The following EGF variants were observed in gnomAD, a reference collection of about 807,000 sequenced individuals.
The protein encoded by EGF is pro-epidermal growth factor.
A neutral mutation model predicts 143.8 loss-of-function variants in EGF; 95 were observed. The observed-to-expected ratio is 0.66, with a 90% CI of 0.56 to 0.78. EGF has a LOEUF of 0.78. Among genes scored for constraint, EGF ranks in the 30% least tolerant of loss-of-function variants. EGF has a pLI of 0.00. For synonymous variants in EGF, 510 were observed against 510.5 expected, an observed-to-expected ratio of 1.00 and a Z score of 0.01; for missense variants, 1,320 against 1,470.9, an observed-to-expected ratio of 0.90 and a Z score of 1.68.
intron 11 of EGF, among the ~76,000 whole-genome samples, chr4:109,970,824 CAAAA>C (rs371512157): frequency 1.6e-4 from 12 of 72,968 alleles, no homozygotes; most frequent in Admixed American, 5.0e-4. Context: ...GACTCCGTCT[CAAAA>C]AAAAAAAAAA....
At chr4:109,988,747 A>C in intron 18 of EGF, 38 bp downstream of exon 18, 1 of 1,612,538 alleles carries the variant, frequency 6.2e-7, no homozygotes, top group Non-Finnish European at 8.5e-7. Flanking sequence ...GGGCAGAGGC[A>C]GGCCTCAGAA....
chr4:109,988,908 C>T (rs1750548895), intron 18 of EGF, among the ~76,000 whole-genome samples, 199 bp downstream of exon 18: 1 of 152,234 alleles, frequency 6.6e-6, no homozygotes, highest in Admixed American at 6.5e-5. Context: ...TGTGTTATTA[C>T]TGCCCTAGTC....
At chr4:109,967,294 A>C in intron 10 of EGF, among the ~76,000 whole-genome samples, 1 of 152,160 alleles carries the variant, frequency 6.6e-6, no homozygotes, top group East Asian at 1.9e-4. Flanking sequence ...TTATTGAATA[A>C]GATATCCTTT....
Position 110,004,642 on chromosome 4 carries a change from T to C in EGF, c.3291+20T>C, listed in dbSNP as rs1348253607. 2 of 1,608,940 alleles carry C rather than the reference T, an allele frequency of 1.2e-6. No homozygotes were observed. Among genetic ancestry groups the C allele is most frequent in the Admixed American group, 1.7e-5 (1 of 59,986 alleles). ...CCTTGGGTAATGTGACCAAAGCAGA[T>C]GAAGCAAGGAATTGGCTTGATATTA... On this transcript the variant is annotated intron_variant, in intron 22 of 23. Transcript: ENST00000265171.
At chr4:109,915,189 A>G (rs921425502) in intron 1 of EGF, among the ~76,000 whole-genome samples, 1 of 152,242 alleles carries the variant, frequency 6.6e-6, no homozygotes, top group African/African-American at 2.4e-5. Flanking sequence ...ACTGTGTCAC[A>G]GAGTGGAAGG....
intron 1 of EGF, among the ~76,000 whole-genome samples, chr4:109,926,372 C>T (rs1453709571): frequency 5.0e-5 from 7 of 139,626 alleles, no homozygotes; most frequent in African/African-American, 1.1e-4. Context: ...TTTTTTTTTC[C>T]GAGACGGAGT....
At chr4:109,934,323 C>A (rs1579503394) in intron 1 of EGF, among the ~76,000 whole-genome samples, 1 of 152,264 alleles carries the variant, frequency 6.6e-6, no homozygotes, top group East Asian at 1.9e-4. Flanking sequence ...ATGTCATCTG[C>A]AAACAGAGAC....
chr4:109,940,679 T>C (rs1333793600), intron 1 of EGF: 3 of 409,826 alleles, frequency 7.3e-6, no homozygotes, highest in Non-Finnish European at 1.3e-5. Flanking sequence ...GGATAAAGAG[T>C]AAAAAGTGTC....
At chr4:109,967,100 G>A (rs1272056052) in intron 10 of EGF, among the ~76,000 whole-genome samples, 1 of 152,124 alleles carries the variant, frequency 6.6e-6, no homozygotes, top group Non-Finnish European at 1.5e-5. Flanking sequence ...TGAGGGCTTA[G>A]TCATGATTTC....
At chr4:109,982,453 G>T (rs764339391) in intron 15 of EGF, among the ~76,000 whole-genome samples, 1 of 151,764 alleles carries the variant, frequency 6.6e-6, no homozygotes, top group African/African-American at 2.4e-5. Context: ...TCAGCCTCCC[G>T]AGTAGCTGGG....
intron 5 of EGF, among the ~76,000 whole-genome samples, chr4:109,950,084 T>C (rs138157255): frequency 3.1e-4 from 47 of 152,316 alleles, no homozygotes; most frequent in African/African-American, 9.9e-4. Context: ...GGTCCTGTAG[T>C]GGGCACATAA....
rs192425610 is a variant in EGF, at chr4:109,925,844, C to T, written c.127+12382C>T. On this transcript the variant is annotated intron_variant, in intron 1 of 23. Transcript: ENST00000265171. Reference sequence around the variant, plus strand: ...ACACCCACTGCATTTACTAGGACATCAACCAAAAAGCATTCTTGGTGAGAT... The same window carrying T: ...ACACCCACTGCATTTACTAGGACATTAACCAAAAAGCATTCTTGGTGAGAT... Among the ~76,000 whole-genome samples the T allele has an allele frequency of 5.8e-4, 89 of 152,252 alleles. 1 individual carries two copies. Among genetic ancestry groups the T allele is most frequent in the African/African-American group, 2.0e-3 (83 of 41,540 alleles).
chr4:109,982,041 G>A (rs1381113026), intron 15 of EGF, among the ~76,000 whole-genome samples: 1 of 151,200 alleles, frequency 6.6e-6, no homozygotes, highest in Non-Finnish European at 1.5e-5. Flanking sequence ...CAAATAGCTG[G>A]GACCCTACCT....
chr4:109,933,320 G>C (rs1308353449), intron 1 of EGF, among the ~76,000 whole-genome samples: 2 of 152,132 alleles, frequency 1.3e-5, no homozygotes, highest in Non-Finnish European at 2.9e-5. Context: ...AAAGATCTGG[G>C]AATAATAATT....
rs35632667 is a variant in EGF at position 109,984,246 on chromosome 4, CA to C, written c.2491+717del. On this transcript the variant is annotated intron_variant, in intron 16 of 23. Coordinates refer to ENST00000265171, the MANE Select transcript of EGF (RefSeq NM_001963.6). The stretch of plus-strand genomic sequence containing the variant: ...TAACACTTTAACAAGATGTATGTGG[CA>C]AAAAAAAAAAAGGAAAATATTTCAA... 9.5e-3 allele frequency among the ~76,000 whole-genome samples: 1,290 copies of C among 136,406 alleles called. 14 individuals carry two copies. Among genetic ancestry groups the C allele is most frequent in the African/African-American group, 0.025 (965 of 38,122 alleles). The allele number at this position is 136,406 out of a possible 152,430, so 89.5% of individuals were successfully genotyped here.
chr4:109,935,538 C>A (rs920049834), intron 1 of EGF, among the ~76,000 whole-genome samples: 4 of 152,048 alleles, frequency 2.6e-5, no homozygotes, highest in Admixed American at 1.3e-4. Flanking sequence ...AATTGAATAC[C>A]CTTTATTTCT....
Position 109,941,135 on chromosome 4 carries a change from C to A in EGF, c.317C>A (p.Ser106Ter). 1.2e-6 allele frequency: 2 copies of A among 1,613,770 alleles called. No homozygotes were observed. Among genetic ancestry groups the A allele is most frequent in the South Asian group, 2.2e-5 (2 of 91,036 alleles). Reference sequence around the variant, plus strand: ...TTGCAAAGAGTTTTTCTGAATGGGTCAAGGCAAGAGGTAAAATACCCTTAC... The same window carrying A: ...TTGCAAAGAGTTTTTCTGAATGGGTAAAGGCAAGAGGTAAAATACCCTTAC... ...QLLQRVFLNGSRQERVCNIEK... is the reference protein window; with the variant it reads ...QLLQRVFLNG The change falls in exon 2 of 24, where the codon TCA becomes TAA. Residue 106 changes from serine (S) to a stop codon, truncating the protein, a stop_gained. Transcript: ENST00000265171. LOFTEE classifies it high-confidence loss of function.
At chr4:109,916,596 C>T (rs932437370) in intron 1 of EGF, among the ~76,000 whole-genome samples, 2 of 152,034 alleles carry the variant, frequency 1.3e-5, no homozygotes, top group Admixed American at 1.3e-4. Flanking sequence ...ATCAGAGTCT[C>T]TTCTGGGAGT....
intron 18 of EGF, among the ~76,000 whole-genome samples, chr4:109,991,430 G>A (rs1406836471): frequency 2.1e-5 from 3 of 145,792 alleles, no homozygotes; most frequent in East Asian, 1.9e-4. Context: ...GAGTAAAGTG[G>A]TGCAATGATG....
Sources: allele counts gnomAD v4.1 joint callset (sites outside exome capture counted in the v4.1 genomes callset), GRCh38; gene constraint gnomAD v4.1.1; transcripts MANE v1.5; gene names NCBI Gene and HGNC (gene_info 2026-07-23, HGNC 2026-07-21).